SNTG1: variants seen among roughly 807,000 people sequenced by gnomAD.
The protein encoded by SNTG1 is syntrophin gamma 1.
A neutral mutation model predicts 74.7 loss-of-function variants in SNTG1; 39 were observed. The observed-to-expected ratio is 0.52, with a 90% CI of 0.40 to 0.68. SNTG1 has a LOEUF of 0.68. Ranked by LOEUF, SNTG1 falls within the 30% of genes least tolerant of loss-of-function variation. The pLI is 0.00. For missense variants in SNTG1, 685 were observed against 609.5 expected (o/e 1.12, Z -1.30); for synonymous variants, 254 against 217.1 (o/e 1.17, Z -1.49).
At chr8:50,395,705 G>C (rs1266887519) in intron 3 of SNTG1, among the ~76,000 whole-genome samples, 2 of 151,682 alleles carry the variant, frequency 1.3e-5, no homozygotes, top group Admixed American at 6.6e-5. Flanking sequence ...TAGAGACGAG[G>C]TTTCACCGTG....
chr8:50,053,174 A>C (rs1329481416), intron 1 of SNTG1, among the ~76,000 whole-genome samples: 1 of 152,162 alleles, frequency 6.6e-6, no homozygotes, highest in African/African-American at 2.4e-5. Context: ...AGTGGAAATG[A>C]TCCAAATGAC....
intron 2 of SNTG1, among the ~76,000 whole-genome samples, chr8:50,250,954 A>G (rs569045519): frequency 6.6e-6 from 1 of 151,756 alleles, no homozygotes; most frequent in African/African-American, 2.4e-5. Flanking sequence ...TAATAGTGCT[A>G]TGAAATTCTT....
In SNTG1 at chr8:49,929,850, A is replaced by G. The variant is rs377643732; in HGVS notation, c.-103+17619A>G. ...CATCTAGCATTAGGTATATCTCCCA[A>G]TGCTATCCCTCCCCCCTCCCCCCAC... On this transcript the variant is annotated intron_variant, in intron 1 of 18. Coordinates refer to ENST00000642720, the MANE Select transcript of SNTG1 (RefSeq NM_018967.5). Among the ~76,000 whole-genome samples the G allele has an allele frequency of 9.9e-3, 1,384 of 139,366 alleles. 25 individuals carry two copies. The highest frequency in any genetic ancestry group is 0.034 in the African/African-American group (1,299 of 37,654). The allele number at this position is 139,366 out of a possible 152,430, so 91.4% of individuals were successfully genotyped here.
chr8:49,974,944 A>G lies in SNTG1; in HGVS notation c.-103+62713A>G, dbSNP rs117281816. The stretch of plus-strand genomic sequence containing the variant: ...GAACTTCTCTGTGACTAACATTCCA[A>G]TTGCGGAGTGAAACTAGAGAAAGAA... On this transcript the variant is annotated intron_variant, in intron 1 of 18. Coordinates refer to ENST00000642720, the MANE Select transcript of SNTG1 (RefSeq NM_018967.5). Among the ~76,000 whole-genome samples the G allele has an allele frequency of 1.1e-4, 17 of 152,200 alleles. No individual in the cohort carries two copies. The East Asian group carries it at 3.3e-3, about 29-fold the overall frequency.
At chr8:50,563,450 A>G (rs2094499201) in intron 12 of SNTG1, among the ~76,000 whole-genome samples, 1 of 152,130 alleles carries the variant, frequency 6.6e-6, no homozygotes, top group Admixed American at 6.6e-5. Context: ...GAGTAGGGAA[A>G]AGTTGCTGTG....
intron 12 of SNTG1, among the ~76,000 whole-genome samples, chr8:50,575,257 C>T (rs1444742409): frequency 6.6e-6 from 1 of 152,090 alleles, no homozygotes; most frequent in Admixed American, 6.6e-5. Flanking sequence ...TTATGAATAG[C>T]CCACTTTTTG....
At chr8:50,659,860 G>A (rs1286223819) in intron 15 of SNTG1, among the ~76,000 whole-genome samples, 4 of 152,088 alleles carry the variant, frequency 2.6e-5, no homozygotes, top group Non-Finnish European at 5.9e-5. Flanking sequence ...TTTTTTTGGA[G>A]ATGGAGTCTT....
At chr8:50,659,456 C>A (rs571846718) in intron 15 of SNTG1, among the ~76,000 whole-genome samples, 1 of 152,044 alleles carries the variant, frequency 6.6e-6, no homozygotes, top group South Asian at 2.1e-4. Flanking sequence ...TTTCTCTTCC[C>A]GTTAAAGACT....
chr8:50,721,618 G>A (rs575485038), intron 17 of SNTG1, among the ~76,000 whole-genome samples: 4 of 152,278 alleles, frequency 2.6e-5, no homozygotes, highest in South Asian at 2.1e-4. Flanking sequence ...TTCAATAAAT[G>A]AGTCTGATGT....
rs116905744 is a variant in SNTG1 at position 50,256,844 on chromosome 8, C to T, written c.-28+84209C>T. ...TTCTAAAAATTGTCCTAAGAGCATACGTCAAATGGAGAATCATTTATTCAA... is the reference window on the plus strand; with the variant it reads ...TTCTAAAAATTGTCCTAAGAGCATATGTCAAATGGAGAATCATTTATTCAA... On this transcript the variant is annotated intron_variant, in intron 2 of 18. Transcript: ENST00000642720. Among the ~76,000 whole-genome samples, 384 of 151,848 alleles carry T rather than the reference C, an allele frequency of 2.5e-3. 5 individuals are homozygous for T. Among genetic ancestry groups the T allele is most frequent in the East Asian group, 0.018 (94 of 5,148 alleles).
chr8:50,062,601 AT>A (rs1356731453), intron 1 of SNTG1, among the ~76,000 whole-genome samples: 1 of 152,088 alleles, frequency 6.6e-6, no homozygotes, highest in Non-Finnish European at 1.5e-5. Context: ...CAAGCTAAAT[AT>A]TTTTTATTTT....
intron 15 of SNTG1, among the ~76,000 whole-genome samples, chr8:50,660,256 G>A (rs191039920): frequency 1.2e-4 from 16 of 136,114 alleles, no homozygotes; most frequent in South Asian, 4.5e-4. Flanking sequence ...GAAAGAAGGA[G>A]GGAAGGAGAG....
At chr8:50,368,868 A>T (rs978947635) in intron 2 of SNTG1, among the ~76,000 whole-genome samples, 1 of 152,146 alleles carries the variant, frequency 6.6e-6, no homozygotes, top group Non-Finnish European at 1.5e-5. Flanking sequence ...TTCCATTTTG[A>T]AAAGAAAATA....
At chr8:50,272,269 G>A (rs2087823752) in intron 2 of SNTG1, among the ~76,000 whole-genome samples, 1 of 152,184 alleles carries the variant, frequency 6.6e-6, no homozygotes, top group South Asian at 2.1e-4. Flanking sequence ...TACCCTTTCT[G>A]TGTGTTTCTG....
At chr8:50,557,051 G>A (rs1382496679) in intron 12 of SNTG1, among the ~76,000 whole-genome samples, 1 of 152,054 alleles carries the variant, frequency 6.6e-6, no homozygotes, top group Non-Finnish European at 1.5e-5. Flanking sequence ...AGGCTGTACA[G>A]ACAAGTTATT....
In SNTG1 at chr8:50,745,302, A is replaced by G. The variant is rs372834923; in HGVS notation, c.1285-6699A>G. Among the ~76,000 whole-genome samples, 34 of 152,130 alleles carry G rather than the reference A, an allele frequency of 2.2e-4. 1 individual carries two copies. In the East Asian group the frequency reaches 4.9e-3, roughly 22 times the overall value. On this transcript the variant is annotated intron_variant, in intron 17 of 18. Transcript: ENST00000642720. Reference sequence around the variant, plus strand: ...GCAAGCACACAAAAAGATGACCAACATCACTAGCCATTAGTGAAATGCAAG... The same window carrying G: ...GCAAGCACACAAAAAGATGACCAACGTCACTAGCCATTAGTGAAATGCAAG...
At chr8:50,332,394 A>T (rs2090999944) in intron 2 of SNTG1, among the ~76,000 whole-genome samples, 1 of 151,666 alleles carries the variant, frequency 6.6e-6, no homozygotes, top group Non-Finnish European at 1.5e-5. Flanking sequence ...GGCCCCCACC[A>T]GGCAAGAAAA....
At chr8:50,134,296 T>C (rs1444556564) in intron 1 of SNTG1, among the ~76,000 whole-genome samples, 1 of 152,122 alleles carries the variant, frequency 6.6e-6, no homozygotes, top group Non-Finnish European at 1.5e-5. Context: ...CAAATCTGCG[T>C]GGTTAATAAG....
intron 17 of SNTG1, among the ~76,000 whole-genome samples, chr8:50,716,984 C>A (rs1298712027): frequency 2.0e-5 from 3 of 152,098 alleles, no homozygotes; most frequent in Non-Finnish European, 4.4e-5. Flanking sequence ...GATCCGCCTG[C>A]CTCAGCCTCC....
Sources: allele counts gnomAD v4.1 joint callset (sites outside exome capture counted in the v4.1 genomes callset), GRCh38; gene constraint gnomAD v4.1.1; transcripts MANE v1.5; gene names NCBI Gene and HGNC (gene_info 2026-07-23, HGNC 2026-07-21).